Variants in INTS6 observed in about 807,000 individuals in gnomAD.
The protein encoded by INTS6 is integrator complex subunit 6.
INTS6 carries 16 observed loss-of-function variants against 104.9 expected under a neutral mutation model. The observed-to-expected ratio is 0.15, with a 90% CI of 0.10 to 0.23. The LOEUF (loss-of-function observed/expected upper bound fraction) is 0.23. Ranked by LOEUF, INTS6 falls within the 10% of genes least tolerant of loss-of-function variation. INTS6 has a pLI of 1.00. For synonymous variants in INTS6, 324 were observed against 358.7 expected, an observed-to-expected ratio of 0.90 and a Z score of 1.09; for missense variants, 584 against 1,062.8, an observed-to-expected ratio of 0.55 and a Z score of 6.26.
At chr13:51,429,706 G>A (rs1957049987) in intron 4 of INTS6, among the ~76,000 whole-genome samples, 1 of 135,220 alleles carries the variant, frequency 7.4e-6, no homozygotes, top group Non-Finnish European at 1.5e-5. Context: ...GGAGGCTGCA[G>A]TGAGCCAAGA....
chr13:51,441,778 A>T (rs1353270991), intron 3 of INTS6: 4 of 151,772 alleles, frequency 2.6e-5, no homozygotes, highest in Non-Finnish European at 5.9e-5. Context: ...ACAGTATAAA[A>T]TCCTGTCAAC....
chr13:51,410,839 T>C (rs1453297849), intron 4 of INTS6, among the ~76,000 whole-genome samples: 1 of 152,106 alleles, frequency 6.6e-6, no homozygotes, highest in Non-Finnish European at 1.5e-5. Flanking sequence ...TATAACTCAT[T>C]AGCAAGAAGA....
intron 5 of INTS6, among the ~76,000 whole-genome samples, chr13:51,391,137 T>C (rs1004333538): frequency 2.6e-5 from 4 of 152,268 alleles, no homozygotes; most frequent in Middle Eastern, 3.4e-3. Flanking sequence ...TCTAAGTCAA[T>C]TTAAGTATAT....
chr13:51,412,535 G>T (rs1593728722), intron 4 of INTS6, among the ~76,000 whole-genome samples: 1 of 152,144 alleles, frequency 6.6e-6, no homozygotes, highest in Non-Finnish European at 1.5e-5. Context: ...CAGCACAGAG[G>T]TGCTGAGGCT....
At chr13:51,378,961 G>A (rs1408815189) in intron 11 of INTS6, among the ~76,000 whole-genome samples, 1 of 151,980 alleles carries the variant, frequency 6.6e-6, no homozygotes. Context: ...GAGAAATAAT[G>A]TATTTCATAG....
At chr13:51,441,143 T>C (rs1464397996) in intron 3 of INTS6, 1 of 152,168 alleles carries the variant, frequency 6.6e-6, no homozygotes, top group Non-Finnish European at 1.5e-5. Flanking sequence ...ATTAAGGGAC[T>C]TTTCAATACA....
intron 4 of INTS6, among the ~76,000 whole-genome samples, chr13:51,411,254 T>TAAATAAGC (rs1447798795): frequency 5.4e-5 from 8 of 148,802 alleles, no homozygotes; most frequent in Non-Finnish European, 8.9e-5. Context: ...AATAAATAAA[T>TAAATAAGC]AAGCAAGCAA....
In INTS6 at chr13:51,374,285, T is replaced by C. The variant is rs911785964; in HGVS notation, c.2027A>G (p.His676Arg). The C allele has an allele frequency of 6.2e-7, 1 of 1,613,992 alleles. No individual in the cohort carries two copies. Among genetic ancestry groups the C allele is most frequent in the Admixed American group, 1.7e-5 (1 of 60,006 alleles). ...GRQQNPVVNN[H>R]IGGKGPPAPT... ...TGCAGGTGGTCCTTTTCCCCCAATATGATTGTTTACAACAGGATTCTGCTG... is the reference window on the plus strand; with the variant it reads ...TGCAGGTGGTCCTTTTCCCCCAATACGATTGTTTACAACAGGATTCTGCTG... Residue 676 changes from histidine to arginine, a missense_variant, in exon 15 of 18, where the codon CAT (histidine) becomes CGT (arginine). Around this residue, in one of 5 missense-constraint regions of INTS6, gnomAD observed 296 missense variants for 437.0 expected, o/e 0.68. Coordinates refer to ENST00000311234, the MANE Select transcript of INTS6 (RefSeq NM_012141.3).
At chr13:51,379,600 A>G (rs1281507281) in intron 10 of INTS6, 28 bp from the exon 11 acceptor site, 1 of 1,300,652 alleles carries the variant, frequency 7.7e-7, no homozygotes, top group Non-Finnish European at 1.1e-6. Flanking sequence ...ACATCATTCA[A>G]TATTAAGCTT....
the INTS6 span, among the ~76,000 whole-genome samples, chr13:51,336,962 G>A: frequency 6.6e-6 from 1 of 152,246 alleles, no homozygotes; most frequent in Non-Finnish European, 1.5e-5. Flanking sequence ...CAGCGGCAGC[G>A]CTTTGCCGTT....
intron 4 of INTS6, among the ~76,000 whole-genome samples, chr13:51,429,562 G>A (rs1003887368): frequency 6.6e-6 from 1 of 151,322 alleles, no homozygotes; most frequent in Admixed American, 6.6e-5. Flanking sequence ...TCAGGAGTTC[G>A]AGACCAACCT....
At chr13:51,359,855 T>C (rs907403198), downstream of INTS6, among the ~76,000 whole-genome samples, 1 of 152,086 alleles carries the variant, frequency 6.6e-6, no homozygotes, top group African/African-American at 2.4e-5. Flanking sequence ...GGGCTAATTA[T>C]TGATAGTGAA....
At chr13:51,404,187 T>C (rs976127678) in intron 4 of INTS6, among the ~76,000 whole-genome samples, 3 of 149,124 alleles carry the variant, frequency 2.0e-5, no homozygotes, top group Non-Finnish European at 4.4e-5. Context: ...AGCAGGGGGA[T>C]AGCTTGAGCC....
Position 51,438,597 on chromosome 13 carries a change from G to A in INTS6, c.340-8214C>T, listed in dbSNP as rs1158014240. The A allele has an allele frequency of 2.6e-5, 4 of 152,172 alleles. No homozygotes were observed. The East Asian group carries it at 7.7e-4, about 29-fold the overall frequency. The allele number at this position is 152,172 out of a possible 1,614,324, so 9.4% of individuals were successfully genotyped here. A position where few individuals can be genotyped will look rare whatever the true frequency, so the allele number is the denominator to read the frequency against. On this transcript the variant is annotated intron_variant, in intron 3 of 17. Transcript: ENST00000311234. ...TTTGTGATTAGACACTGCCCATTCT[G>A]AATTAAAAATAAAATTTAAAATAAA...
intron 3 of INTS6, among the ~76,000 whole-genome samples, chr13:51,356,247 C>A (rs1025704199): frequency 6.6e-6 from 1 of 152,004 alleles, no homozygotes; most frequent in Admixed American, 6.6e-5. Flanking sequence ...AGTTGGATAC[C>A]AAGTAAATAC....
chr13:51,387,614 AATT>A, intron 6 of INTS6, 74 bp from the exon 7 acceptor site: 1 of 1,108,694 alleles, frequency 9.0e-7, no homozygotes, highest in Non-Finnish European at 1.2e-6. Flanking sequence ...AAATTATATC[AATT>A]ATTACTTAAA....
rs912447660 is a variant in INTS6 at position 51,362,369 on chromosome 13, A to G, written c.*3383T>C. 2 of 171,694 alleles carry G rather than the reference A, an allele frequency of 1.2e-5. No homozygotes were observed. Among genetic ancestry groups the G allele is most frequent in the Non-Finnish European group, 2.4e-5 (2 of 82,226 alleles). The allele number at this position is 171,694 out of a possible 1,614,324, so 10.6% of individuals were successfully genotyped here. A position where few individuals can be genotyped will look rare whatever the true frequency, so the allele number is the denominator to read the frequency against. ...TCTGTTGATCTTTCTCAAAAATCAA[A>G]TGTTTGCCCTAGTACTTTTAAGTCC... On this transcript the variant is annotated 3_prime_UTR_variant, in exon 18 of 18. Transcript: ENST00000311234.
chr13:51,394,761 G>T (rs1956305867), intron 5 of INTS6, among the ~76,000 whole-genome samples: 1 of 152,112 alleles, frequency 6.6e-6, no homozygotes, highest in South Asian at 2.1e-4. Context: ...TATATTAAAT[G>T]AGTTCTGAGT....
downstream of INTS6, among the ~76,000 whole-genome samples, chr13:51,349,128 T>G (rs1593639843): frequency 6.6e-6 from 1 of 152,152 alleles, no homozygotes; most frequent in African/African-American, 2.4e-5. Flanking sequence ...TCAGAGTAAA[T>G]TTATAACCAT....
Sources: gnomAD v4.1 joint callset for allele counts (sites outside exome capture counted in the v4.1 genomes callset) on GRCh38, gnomAD v4.1.1 for gene constraint, gnomAD v4.1.1 regional missense constraint, MANE v1.5 for transcripts, NCBI Gene and HGNC (gene_info 2026-07-23, HGNC 2026-07-21) for gene names.